Variants in SCAI observed in about 807,000 individuals in gnomAD.
SCAI encodes suppressor of cancer cell invasion.
Under a neutral mutation model 92.2 loss-of-function variants are expected in SCAI, and 24 were observed. That is an observed-to-expected ratio of 0.26 (90% CI 0.19 to 0.37). The LOEUF is 0.37. Among genes scored for constraint, SCAI ranks in the 10% least tolerant of loss-of-function variants. The pLI is 1.00. For synonymous variants in SCAI, 261 were observed against 258.6 expected (o/e 1.01, Z -0.09); for missense variants, 450 against 736.2 (o/e 0.61, Z 4.50).
intron 2 of SCAI, among the ~76,000 whole-genome samples, chr9:125,124,969 C>T (rs1835230034): frequency 6.6e-6 from 1 of 152,180 alleles, no homozygotes; most frequent in South Asian, 2.1e-4. Flanking sequence ...GCCTGTAATC[C>T]CAACACTTTG....
chr9:125,002,017 C>CAGA lies in SCAI; in HGVS notation c.1089_1091dup (p.Leu364dup). The CAGA allele has an allele frequency of 6.2e-7, 1 of 1,613,784 alleles. No homozygotes were observed. The highest frequency in any genetic ancestry group is 8.5e-7 in the Non-Finnish European group (1 of 1,179,700). On this transcript the variant is annotated inframe_insertion, in exon 12 of 18. Coordinates refer to ENST00000336505, the MANE Select transcript of SCAI (RefSeq NM_001144877.3). ...AAACGCCAGTGGCCGACAGGTAAAT[C>CAGA]AGAAGCACGCTATTGGCAGGCAGCT...
intron 2 of SCAI, among the ~76,000 whole-genome samples, chr9:125,064,577 G>A (rs1335637334): frequency 6.6e-6 from 1 of 152,126 alleles, no homozygotes; most frequent in African/African-American, 2.4e-5. Flanking sequence ...TGGGTGCAGT[G>A]GCTCATACCT....
At chr9:125,012,668 AC>A (rs1832664393) in intron 9 of SCAI, among the ~76,000 whole-genome samples, 1 of 152,160 alleles carries the variant, frequency 6.6e-6, no homozygotes, top group Admixed American at 6.6e-5. Context: ...TCAGCTCTGC[AC>A]CAAGCAGACC....
chr9:125,082,756 G>C (rs1834248367), intron 2 of SCAI, among the ~76,000 whole-genome samples: 1 of 152,206 alleles, frequency 6.6e-6, no homozygotes, highest in African/African-American at 2.4e-5. Flanking sequence ...GACTTGCATG[G>C]GGCTTGCAGC....
intron 6 of SCAI, among the ~76,000 whole-genome samples, chr9:125,021,417 C>A (rs115082881): frequency 1.3e-5 from 2 of 152,070 alleles, no homozygotes; most frequent in Non-Finnish European, 2.9e-5. Flanking sequence ...GCTTTCTCTT[C>A]GGTTAATCAA....
intron 3 of SCAI, among the ~76,000 whole-genome samples, chr9:125,030,542 C>T (rs1335021941): frequency 4.6e-5 from 7 of 152,130 alleles, no homozygotes; most frequent in Admixed American, 3.9e-4. Flanking sequence ...AGCCTTACTT[C>T]GGAAAAGCTA....
chr9:125,042,235 CTT>C (rs1833329684), intron 3 of SCAI, among the ~76,000 whole-genome samples: 2 of 152,144 alleles, frequency 1.3e-5, no homozygotes, highest in Admixed American at 1.3e-4. Context: ...ACTAATCTCT[CTT>C]TATTGAAATC....
intron 7 of SCAI, among the ~76,000 whole-genome samples, chr9:125,020,421 G>A (rs1243326046): frequency 6.6e-6 from 1 of 152,078 alleles, no homozygotes; most frequent in Non-Finnish European, 1.5e-5. Flanking sequence ...ATCCACTGAT[G>A]GGCTTTGAAA....
chr9:124,993,395 C>T (rs867721148), intron 14 of SCAI, among the ~76,000 whole-genome samples: 1 of 152,174 alleles, frequency 6.6e-6, no homozygotes, highest in African/African-American at 2.4e-5. Context: ...TGGAGAACAG[C>T]CTGAGCAACA....
At chr9:124,952,988 A>G (rs756418147) in intron 17 of SCAI, 35 bp from the exon 18 acceptor site, 6 of 1,596,954 alleles carry the variant, frequency 3.8e-6, no homozygotes, top group Non-Finnish European at 5.1e-6. Flanking sequence ...CAAGTTTTGT[A>G]GTCTAATGAA....
intron 14 of SCAI, among the ~76,000 whole-genome samples, chr9:124,978,618 C>G (rs1185268590): frequency 1.3e-5 from 2 of 152,112 alleles, no homozygotes. Context: ...CATATTAACA[C>G]AGAAATTCCC....
chr9:125,046,850 T>G (rs1833454211), intron 3 of SCAI, among the ~76,000 whole-genome samples: 1 of 151,892 alleles, frequency 6.6e-6, no homozygotes, highest in South Asian at 2.1e-4. Flanking sequence ...TAAGACCTGG[T>G]TATATGGACT....
At chr9:125,105,903 C>G (rs1235324823) in intron 2 of SCAI, among the ~76,000 whole-genome samples, 1 of 150,906 alleles carries the variant, frequency 6.6e-6, no homozygotes, top group Admixed American at 6.6e-5. Context: ...TGGACACCAG[C>G]CTGGCCAATG....
At chr9:125,121,944 T>A (rs1468498276) in intron 2 of SCAI, among the ~76,000 whole-genome samples, 5 of 152,160 alleles carry the variant, frequency 3.3e-5, no homozygotes, top group Non-Finnish European at 7.3e-5. Context: ...ATTGAAAAAA[T>A]CAATGACAGA....
At chr9:125,074,274 A>T (rs10986544) in intron 2 of SCAI, among the ~76,000 whole-genome samples, 1,920 of 149,180 alleles carry the variant, frequency 0.013, 92 homozygotes, top group Admixed American at 0.081. Context: ...AAAAAAAAAA[A>T]AAGATAGAGT....
rs556946516 is a variant in SCAI, at chr9:124,947,727, C to T, written c.*5080G>A. 9.2e-5 allele frequency: 14 copies of T among 152,216 alleles called. No individual in the cohort carries two copies. The East Asian group carries it at 2.5e-3, about 27-fold the overall frequency. The allele number at this position is 152,216 out of a possible 1,614,324, so 9.4% of individuals were successfully genotyped here. On this transcript the variant is annotated 3_prime_UTR_variant, in exon 18 of 18. Transcript: ENST00000336505. ...GCCATTACAAATAAAATAAGAATTT[C>T]AAATAAATAAGGTCAACAAAAGAGC...
At chr9:124,959,523 C>CATATATAT (rs1288996904) in intron 17 of SCAI, among the ~76,000 whole-genome samples, 1 of 144,928 alleles carries the variant, frequency 6.9e-6, no homozygotes, top group African/African-American at 2.6e-5. Context: ...TATATACACA[C>CATATATAT]ATATATATAC....
rs117984737 is a variant in SCAI, at chr9:124,965,647, C to T, written c.1674+5723G>A. ...GTTTTCATGCCTGCTAACGTAGCTA[C>T]AGTGATGGCTTCACAAATTTTCTTT... On this transcript the variant is annotated intron_variant, in intron 17 of 17. Coordinates refer to ENST00000336505, the MANE Select transcript of SCAI (RefSeq NM_001144877.3). 2.7e-3 allele frequency among the ~76,000 whole-genome samples: 410 copies of T among 152,332 alleles called. 7 individuals carry two copies. Among genetic ancestry groups the T allele is most frequent in the East Asian group, 0.017 (89 of 5,194 alleles).
At chr9:124,973,810 G>A (rs1281352826) in intron 15 of SCAI, among the ~76,000 whole-genome samples, 6 of 152,152 alleles carry the variant, frequency 3.9e-5, no homozygotes, top group African/African-American at 1.4e-4. Flanking sequence ...CTGGGCGACA[G>A]TGCAAGACTC....
Sources: allele counts gnomAD v4.1 joint callset (sites outside exome capture counted in the v4.1 genomes callset), GRCh38; gene constraint gnomAD v4.1.1; transcripts MANE v1.5; gene names NCBI Gene and HGNC (gene_info 2026-07-23, HGNC 2026-07-21).